PRKCE: variants seen among roughly 807,000 people sequenced by gnomAD.
The protein encoded by PRKCE is protein kinase C epsilon type.
In PRKCE, 16 loss-of-function variants were observed where a neutral mutation model predicts 85.4. That is an observed-to-expected ratio of 0.19 (90% CI 0.13 to 0.28). PRKCE has a LOEUF of 0.28. Ranked by LOEUF, PRKCE falls within the 10% of genes least tolerant of loss-of-function variation. The probability of loss-of-function intolerance (pLI) is 1.00; values close to 1 mark genes in which losing one functional copy is unlikely to be tolerated. For missense variants in PRKCE, 573 were observed against 975.2 expected (o/e 0.59, Z 5.49); for synonymous variants, 388 against 371.5 (o/e 1.04, Z -0.51).
At chr2:45,827,468 G>C (rs1384157077) in intron 1 of PRKCE, among the ~76,000 whole-genome samples, 3 of 152,130 alleles carry the variant, frequency 2.0e-5, no homozygotes, top group African/African-American at 7.2e-5. Flanking sequence ...AGTCTCATTT[G>C]TTGTCCAGCT....
intron 1 of PRKCE, among the ~76,000 whole-genome samples, chr2:45,751,133 C>T (rs1193930599): frequency 6.6e-6 from 1 of 152,204 alleles, no homozygotes; most frequent in Non-Finnish European, 1.5e-5. Flanking sequence ...ACTCTTCCCT[C>T]TTTTGGGAAT....
At position 45,854,031 on chromosome 2, in the gene PRKCE, C is replaced by T. The variant is rs1573616486; in HGVS notation, c.412+10968C>T. ...GACACTGGATTTGCCCCCCACACTC[C>T]TCTGTGTCTTTCTATACAACCATGT... is the stretch of plus-strand genomic sequence containing the variant. On this transcript the variant is annotated intron_variant, in intron 2 of 14. Coordinates refer to ENST00000306156, the MANE Select transcript of PRKCE (RefSeq NM_005400.3). Among the ~76,000 whole-genome samples, 4 of 152,318 alleles carry T rather than the reference C, an allele frequency of 2.6e-5. No homozygotes were observed. The South Asian group carries it at 8.3e-4, about 32-fold the overall frequency.
chr2:46,136,849 C>G (rs1675053424), intron 11 of PRKCE, among the ~76,000 whole-genome samples: 1 of 152,236 alleles, frequency 6.6e-6, no homozygotes, highest in African/African-American at 2.4e-5. Context: ...TGCTAAAAGT[C>G]TCAGTCAGTC....
rs186761211 is a variant in PRKCE at position 46,035,645 on chromosome 2, C to T, written c.1437+25128C>T. ...CATTTGTCATGTATTTGGCATATGC[C>T]ATATATGTGCGTGTGTATATAGTAG... is the stretch of plus-strand genomic sequence containing the variant. On this transcript the variant is annotated intron_variant, in intron 10 of 14. Transcript: ENST00000306156. 8.5e-5 allele frequency among the ~76,000 whole-genome samples: 13 copies of T among 152,230 alleles called. No individual in the cohort carries two copies. In the East Asian group the frequency reaches 2.1e-3, roughly 25 times the overall value.
At chr2:46,026,609 C>T (rs1707131202) in intron 10 of PRKCE, among the ~76,000 whole-genome samples, 1 of 152,144 alleles carries the variant, frequency 6.6e-6, no homozygotes, top group South Asian at 2.1e-4. Flanking sequence ...TCCAAGAGAA[C>T]AGAATGAATT....
At chr2:46,079,751 G>A (rs1250143635) in intron 10 of PRKCE, among the ~76,000 whole-genome samples, 2 of 152,314 alleles carry the variant, frequency 1.3e-5, no homozygotes, top group Non-Finnish European at 2.9e-5. Context: ...TGCTGCTAAG[G>A]AGAAGCCTCT....
chr2:45,832,616 G>A (rs1302945067), intron 1 of PRKCE, among the ~76,000 whole-genome samples: 2 of 152,066 alleles, frequency 1.3e-5, no homozygotes, highest in Admixed American at 6.6e-5. Context: ...CGGCCAAGGA[G>A]CAACTTTTTA....
chr2:45,795,205 A>C (rs1415106506), intron 1 of PRKCE, among the ~76,000 whole-genome samples: 1 of 152,184 alleles, frequency 6.6e-6, no homozygotes, highest in Non-Finnish European at 1.5e-5. Context: ...TGGAGTGACC[A>C]GACCTTCCAC....
chr2:45,701,176 G>A (rs1367787715), intron 1 of PRKCE, among the ~76,000 whole-genome samples: 2 of 152,194 alleles, frequency 1.3e-5, no homozygotes, highest in Admixed American at 1.3e-4. Flanking sequence ...ACAAGGCCAG[G>A]AACATAATAG....
At chr2:46,157,106 G>C (rs1386591578) in intron 13 of PRKCE, among the ~76,000 whole-genome samples, 1 of 152,194 alleles carries the variant, frequency 6.6e-6, no homozygotes, top group Non-Finnish European at 1.5e-5. Flanking sequence ...CTTTGGAGCT[G>C]CAACTCTGAA....
chr2:46,113,815 C>T (rs1672492604), intron 11 of PRKCE, among the ~76,000 whole-genome samples: 1 of 151,992 alleles, frequency 6.6e-6, no homozygotes, highest in African/African-American at 2.4e-5. Flanking sequence ...CTTCTCATAC[C>T]CATCATATCA....
chr2:45,668,038 G>T (rs1039008715), intron 1 of PRKCE, among the ~76,000 whole-genome samples: 3 of 152,172 alleles, frequency 2.0e-5, no homozygotes, highest in African/African-American at 7.2e-5. Flanking sequence ...CATAGAAAGT[G>T]CATAGAAAAG....
chr2:46,042,797 T>C (rs1290960184), intron 10 of PRKCE, among the ~76,000 whole-genome samples: 2 of 152,244 alleles, frequency 1.3e-5, no homozygotes, highest in Non-Finnish European at 2.9e-5. Context: ...TAATCAGGAA[T>C]GGTAACTCCA....
chr2:45,979,145 T>A, intron 4 of PRKCE, 135 bp downstream of exon 4: 1 of 859,112 alleles, frequency 1.2e-6, no homozygotes, highest in Non-Finnish European at 1.9e-6. Flanking sequence ...TTGTTCCCAC[T>A]TGACCATTAC....
At chr2:45,841,805 G>C (rs1189129884) in intron 1 of PRKCE, among the ~76,000 whole-genome samples, 1 of 152,216 alleles carries the variant, frequency 6.6e-6, no homozygotes. Context: ...GGTGATAATT[G>C]ACCTTGACTT....
At chr2:46,087,480 T>C (rs553227013) in intron 11 of PRKCE, among the ~76,000 whole-genome samples, 1 of 152,320 alleles carries the variant, frequency 6.6e-6, no homozygotes, top group Admixed American at 6.5e-5. Flanking sequence ...CTTCAAGGCA[T>C]TCTGGTCAAC....
chr2:45,974,564 T>C (rs750400914), intron 2 of PRKCE, among the ~76,000 whole-genome samples: 3 of 152,220 alleles, frequency 2.0e-5, no homozygotes, highest in Admixed American at 1.3e-4. Context: ...CAGAGGCTGC[T>C]GCGTCCTTGG....
chr2:45,994,068 C>A (rs1303500566), intron 6 of PRKCE, among the ~76,000 whole-genome samples: 2 of 152,084 alleles, frequency 1.3e-5, no homozygotes, highest in African/African-American at 4.8e-5. Flanking sequence ...GGAGATCTGG[C>A]TGCTTATCCT....
chr2:45,819,888 A>G (rs971342324), intron 1 of PRKCE, among the ~76,000 whole-genome samples: 2 of 152,218 alleles, frequency 1.3e-5, no homozygotes, highest in Non-Finnish European at 2.9e-5. Context: ...CAGGGAAACA[A>G]TCGCATCAAG....
Sources: gnomAD v4.1 joint callset for allele counts (sites outside exome capture counted in the v4.1 genomes callset) on GRCh38, gnomAD v4.1.1 for gene constraint, MANE v1.5 for transcripts, NCBI Gene and HGNC (gene_info 2026-07-23, HGNC 2026-07-21) for gene names.